Variants in PALS2 observed in about 807,000 individuals in gnomAD.
PALS2 encodes the protein protein PALS2.
Under a neutral mutation model 61.6 loss-of-function variants are expected in PALS2, and 27 were observed. The ratio of observed to expected loss-of-function variants is 0.44; its 90% CI spans 0.32 to 0.60. The LOEUF (loss-of-function observed/expected upper bound fraction) is 0.60. PALS2 is among the 20% of genes least tolerant of loss of function. PALS2 has a pLI of 0.05. For synonymous variants in PALS2, 236 were observed against 218.6 expected, an observed-to-expected ratio of 1.08 and a Z score of -0.70; for missense variants, 554 against 639.4, an observed-to-expected ratio of 0.87 and a Z score of 1.44.
intron 1 of PALS2, among the ~76,000 whole-genome samples, chr7:24,616,055 A>G (rs1784283550): frequency 6.6e-6 from 1 of 152,172 alleles, no homozygotes; most frequent in Admixed American, 6.5e-5. Flanking sequence ...CCTTAACAAA[A>G]TAATGGCCAT....
intron 3 of PALS2, among the ~76,000 whole-genome samples, chr7:24,647,974 T>G (rs1213445051): frequency 1.3e-5 from 2 of 152,090 alleles, no homozygotes; most frequent in Non-Finnish European, 2.9e-5. Context: ...GTCACAGGAG[T>G]AAATGAAACT....
intron 3 of PALS2, among the ~76,000 whole-genome samples, chr7:24,646,781 C>T (rs1200096322): frequency 1.3e-5 from 2 of 152,112 alleles, no homozygotes; most frequent in Non-Finnish European, 2.9e-5. Flanking sequence ...CATCAGGTCC[C>T]AGGCTTTTTT....
chr7:24,680,274 T>C, intron 10 of PALS2, 118 bp from the exon 11 acceptor site: 1 of 980,564 alleles, frequency 1.0e-6, no homozygotes, highest in East Asian at 2.6e-5. Context: ...GGATAAGTAT[T>C]AAGTTATGTC....
At chr7:24,669,276 A>G (rs973920515) in intron 9 of PALS2, among the ~76,000 whole-genome samples, 11 of 152,226 alleles carry the variant, frequency 7.2e-5, no homozygotes, top group Non-Finnish European at 1.2e-4. Flanking sequence ...TCATTTCTCT[A>G]TTTGCATATT....
rs574391508 is a variant in PALS2, at chr7:24,692,847, G to C, written c.*5233G>C. 6.6e-6 allele frequency: 1 copy of C among 152,182 alleles called. No homozygotes were observed. Among genetic ancestry groups the C allele is most frequent in the African/African-American group, 2.4e-5 (1 of 41,546 alleles). 9.4% of individuals were successfully genotyped at this position (152,182 alleles called of 1,614,324 possible). ...TCACTGCATACCTGAAATCACTGCA[G>C]CCCTACTGTTTTACCCATACCATTA... is the stretch of plus-strand genomic sequence containing the variant. On this transcript the variant is annotated 3_prime_UTR_variant, in exon 12 of 12. Coordinates refer to ENST00000222644, the MANE Select transcript of PALS2 (RefSeq NM_001303037.2).
intron 1 of PALS2, among the ~76,000 whole-genome samples, chr7:24,591,063 T>C (rs1199588137): frequency 6.6e-6 from 1 of 152,058 alleles, no homozygotes; most frequent in East Asian, 1.9e-4. Flanking sequence ...ATTAGTGCTG[T>C]TTTATTCTTT....
At chr7:24,575,765 G>C (rs1332091245) in intron 1 of PALS2, among the ~76,000 whole-genome samples, 4 of 152,122 alleles carry the variant, frequency 2.6e-5, no homozygotes, top group Non-Finnish European at 5.9e-5. Flanking sequence ...GCTAGTCAAA[G>C]GCTAATTGTA....
intron 3 of PALS2, among the ~76,000 whole-genome samples, chr7:24,646,422 G>A (rs1287361257): frequency 6.6e-6 from 1 of 152,134 alleles, no homozygotes; most frequent in Non-Finnish European, 1.5e-5. Flanking sequence ...TGTAGTTTTT[G>A]TCTTTAGTTC....
At position 24,668,479 on chromosome 7, in the gene PALS2, C is replaced by A. The variant is rs1344388175; in HGVS notation, c.953-20C>A. 8 of 1,602,558 alleles carry A rather than the reference C, an allele frequency of 5.0e-6. No homozygotes were observed. The highest frequency in any genetic ancestry group is 6.8e-6 in the Non-Finnish European group (8 of 1,172,802). ...GTATATAAAAGTTGACTTTGTATTC[C>A]CATTTCCTTTTTCATTTAGAATTTG... is the stretch of plus-strand genomic sequence containing the variant. On this transcript the variant is annotated intron_variant, in intron 8 of 11. Coordinates refer to ENST00000222644, the MANE Select transcript of PALS2 (RefSeq NM_001303037.2).
chr7:24,643,035 T>C (rs1785645048), intron 3 of PALS2, among the ~76,000 whole-genome samples: 2 of 152,136 alleles, frequency 1.3e-5, no homozygotes, highest in Admixed American at 1.3e-4. Context: ...TTTCAAGTTT[T>C]AATGAATAAA....
intron 5 of PALS2, among the ~76,000 whole-genome samples, chr7:24,663,096 A>G: frequency 6.6e-6 from 1 of 152,214 alleles, no homozygotes. Context: ...TGATTAAAAA[A>G]GTATTTAAGG....
At position 24,573,817 on chromosome 7, in the gene PALS2, C is replaced by T. The variant is rs1011239885; in HGVS notation, c.-3+224C>T. Among the ~76,000 whole-genome samples, 1 of 149,126 alleles carries T rather than the reference C, an allele frequency of 6.7e-6. No homozygotes were observed. Among genetic ancestry groups the T allele is most frequent in the Non-Finnish European group, 1.5e-5 (1 of 66,954 alleles). On this transcript the variant is annotated intron_variant, in intron 1 of 11. Coordinates refer to ENST00000222644, the MANE Select transcript of PALS2 (RefSeq NM_001303037.2). The surrounding 1 kb of genome is among the most constrained non-coding windows in gnomAD (Gnocchi z 5.3). ...CTGGCCGCCCCCAGCCCGGCCCGCGCGGAAGGGGCGCTCGGCCGGGCTCCT... is the reference window on the plus strand; with the variant it reads ...CTGGCCGCCCCCAGCCCGGCCCGCGTGGAAGGGGCGCTCGGCCGGGCTCCT...
intron 1 of PALS2, among the ~76,000 whole-genome samples, chr7:24,611,930 G>A (rs1425259868): frequency 1.3e-5 from 2 of 151,814 alleles, no homozygotes; most frequent in African/African-American, 2.4e-5. Context: ...AGGCTGTTGG[G>A]GTAGTCTGGG....
intron 5 of PALS2, among the ~76,000 whole-genome samples, chr7:24,651,757 A>G (rs557703147): frequency 3.9e-4 from 59 of 152,346 alleles, no homozygotes; most frequent in African/African-American, 1.3e-3. Context: ...GAATGAAATT[A>G]TAAGTTTTCT....
At chr7:24,638,951 T>C (rs537031344) in intron 2 of PALS2, among the ~76,000 whole-genome samples, 3 of 152,354 alleles carry the variant, frequency 2.0e-5, no homozygotes, top group Admixed American at 2.0e-4. Context: ...GCTGATCATA[T>C]AACATTTTCC....
chr7:24,575,388 A>G (rs1177503012), intron 1 of PALS2, among the ~76,000 whole-genome samples: 1 of 152,106 alleles, frequency 6.6e-6, no homozygotes, highest in African/African-American at 2.4e-5. Context: ...TTTAAAAATG[A>G]ATCATATTTT....
intron 11 of PALS2, among the ~76,000 whole-genome samples, chr7:24,684,944 T>C (rs1200676553): frequency 6.6e-6 from 1 of 152,200 alleles, no homozygotes; most frequent in African/African-American, 2.4e-5. Context: ...CACTAGATTT[T>C]TTTTTTCCTT....
At chr7:24,681,525 ATTTT>A (rs780176633) in intron 11 of PALS2, among the ~76,000 whole-genome samples, 1 of 138,560 alleles carries the variant, frequency 7.2e-6, no homozygotes, top group Non-Finnish European at 1.6e-5. Context: ...TTTCTCCAAG[ATTTT>A]TTTTTTTTTT....
intron 1 of PALS2, among the ~76,000 whole-genome samples, chr7:24,612,413 G>A (rs140503725): frequency 5.9e-5 from 9 of 151,810 alleles, no homozygotes; most frequent in South Asian, 2.1e-4. Context: ...CTAGTTTTAC[G>A]TACTTTCTTT....
Sources: allele counts gnomAD v4.1 joint callset (sites outside exome capture counted in the v4.1 genomes callset), GRCh38; gene constraint gnomAD v4.1.1; non-coding constraint Gnocchi (gnomAD v3.1); transcripts MANE v1.5; gene names NCBI Gene and HGNC (gene_info 2026-07-23, HGNC 2026-07-21).